XRCC5: variants seen among roughly 807,000 people sequenced by gnomAD.
The protein encoded by XRCC5 is X-ray repair cross complementing 5.
In XRCC5, 12 loss-of-function variants were observed where a neutral mutation model predicts 95.7. That is an observed-to-expected ratio of 0.13 (90% CI 0.08 to 0.20). The LOEUF is 0.20. Among genes scored for constraint, XRCC5 ranks in the 10% least tolerant of loss-of-function variants. XRCC5 has a pLI of 1.00. For synonymous variants in XRCC5, 281 were observed against 290.3 expected (o/e 0.97, Z 0.33); for missense variants, 595 against 873.9 (o/e 0.68, Z 4.02).
intron 16 of XRCC5, among the ~76,000 whole-genome samples, chr2:216,189,477 G>A (rs1237922505): frequency 6.6e-6 from 1 of 152,120 alleles, no homozygotes; most frequent in African/African-American, 2.4e-5. Flanking sequence ...TATTCATACT[G>A]AAGAATTTTT....
chr2:216,127,763 T>A, intron 8 of XRCC5, 89 bp downstream of exon 8: 1 of 1,362,860 alleles, frequency 7.3e-7, no homozygotes, highest in Non-Finnish European at 9.9e-7. Flanking sequence ...ATTCTTTGTT[T>A]AAAGTTATTT....
At chr2:216,140,223 T>C (rs1334364995) in intron 12 of XRCC5, among the ~76,000 whole-genome samples, 2 of 152,256 alleles carry the variant, frequency 1.3e-5, no homozygotes, top group African/African-American at 4.8e-5. Flanking sequence ...CTGTATGCTC[T>C]TTTATTTTGT....
At chr2:216,110,974 T>C (rs988998683) in intron 1 of XRCC5, among the ~76,000 whole-genome samples, 2 of 152,218 alleles carry the variant, frequency 1.3e-5, no homozygotes, top group Non-Finnish European at 2.9e-5. Context: ...AATAATCTTT[T>C]CTTTTCATGT....
chr2:216,140,918 A>G (rs1263310063), intron 12 of XRCC5, among the ~76,000 whole-genome samples: 2 of 152,142 alleles, frequency 1.3e-5, no homozygotes, highest in African/African-American at 4.8e-5. Context: ...TCTGAAACAA[A>G]CTTTCTTGCT....
intron 14 of XRCC5, among the ~76,000 whole-genome samples, chr2:216,155,050 A>G (rs1688816568): frequency 6.6e-6 from 1 of 151,976 alleles, no homozygotes; most frequent in Admixed American, 6.6e-5. Flanking sequence ...ACATAGTGAG[A>G]CCTCATCTCT....
chr2:216,111,068 G>A (rs938693430), intron 1 of XRCC5, among the ~76,000 whole-genome samples: 4 of 152,094 alleles, frequency 2.6e-5, no homozygotes, highest in Admixed American at 6.5e-5. Context: ...CATTTCTAGG[G>A]TCAAGAGATC....
chr2:216,162,529 G>A (rs1296567759), intron 16 of XRCC5, among the ~76,000 whole-genome samples: 2 of 151,704 alleles, frequency 1.3e-5, no homozygotes, highest in Non-Finnish European at 2.9e-5. Flanking sequence ...AGCCTCCCGA[G>A]TAGCTGGGAT....
At chr2:216,159,535 C>G (rs901867360) in intron 14 of XRCC5, among the ~76,000 whole-genome samples, 4 of 152,050 alleles carry the variant, frequency 2.6e-5, no homozygotes, top group African/African-American at 9.7e-5. Context: ...AGAGGGAAAG[C>G]TCTTGCATAG....
At chr2:216,115,179 T>TA (rs1696669986) in intron 2 of XRCC5, among the ~76,000 whole-genome samples, 1 of 149,202 alleles carries the variant, frequency 6.7e-6, no homozygotes. Context: ...TTTCAATTGT[T>TA]TACTTCGAGA....
At position 216,160,121 on chromosome 2, in the gene XRCC5, A is replaced by G. The variant is rs1688923975; in HGVS notation, c.1724A>G (p.His575Arg). Residue 575 changes from histidine to arginine, a missense_variant, in exon 15 of 21, where the codon CAC (histidine) becomes CGC (arginine). By Grantham distance (29) the His-to-Arg change is conservative. Transcript: ENST00000392132. ...TTAAAGACTGAGCAAGGGGGAGCCC[A>G]CTTCAGCGTCTCCAGTCTGGCTGAA... The part of the protein sequence containing the change: ...KKLKTEQGGA[H>R]FSVSSLAEGS... The G allele has an allele frequency of 6.2e-7, 1 of 1,608,996 alleles. No individual in the cohort carries two copies. Among genetic ancestry groups the G allele is most frequent in the South Asian group, 1.1e-5 (1 of 90,516 alleles).
At chr2:216,174,383 AGTT>A (rs1689231138) in intron 16 of XRCC5, among the ~76,000 whole-genome samples, 1 of 152,234 alleles carries the variant, frequency 6.6e-6, no homozygotes, top group African/African-American at 2.4e-5. Context: ...GTTTCTTTAT[AGTT>A]AACTTTAGCA....
chr2:216,135,477 T>C (rs777658836), intron 10 of XRCC5, among the ~76,000 whole-genome samples: 3 of 151,722 alleles, frequency 2.0e-5, no homozygotes, highest in South Asian at 2.1e-4. Context: ...AGGGAAGAGA[T>C]GGATTTGAGA....
At chr2:216,178,244 G>A (rs562267690) in intron 16 of XRCC5, among the ~76,000 whole-genome samples, 2 of 152,200 alleles carry the variant, frequency 1.3e-5, no homozygotes, top group African/African-American at 4.8e-5. Context: ...TGCTTCTTAG[G>A]CTTCCATTAA....
At chr2:216,163,273 T>A (rs1410113271) in intron 16 of XRCC5, among the ~76,000 whole-genome samples, 1 of 152,080 alleles carries the variant, frequency 6.6e-6, no homozygotes, top group Non-Finnish European at 1.5e-5. Flanking sequence ...GCTCTGAGAT[T>A]ACATGTGTAA....
chr2:216,191,828 T>C (rs1308051134), intron 17 of XRCC5, among the ~76,000 whole-genome samples: 1 of 152,214 alleles, frequency 6.6e-6, no homozygotes, highest in Non-Finnish European at 1.5e-5. Flanking sequence ...GTGGTGTTAA[T>C]GGCATGTGAG....
intron 15 of XRCC5, 31 bp from the exon 16 acceptor site, chr2:216,161,948 T>C: frequency 6.3e-7 from 1 of 1,597,654 alleles, no homozygotes; most frequent in Non-Finnish European, 8.6e-7. Flanking sequence ...AGAAATAACC[T>C]GTAGGTTTAT....
At position 216,158,398 on chromosome 2, in the gene XRCC5, G is replaced by A. The variant is rs41301686; in HGVS notation, c.1671-1670G>A. Among the ~76,000 whole-genome samples, 669 of 152,282 alleles carry A rather than the reference G, an allele frequency of 4.4e-3. 3 individuals carry two copies. The highest frequency in any genetic ancestry group is 0.016 in the African/African-American group (645 of 41,554). ...TTCAGGGCTAGTCAGTGGCAAAATCGAGACTAGAATCCAGGTCTTTTGACT... is the reference window on the plus strand; with the variant it reads ...TTCAGGGCTAGTCAGTGGCAAAATCAAGACTAGAATCCAGGTCTTTTGACT... On this transcript the variant is annotated intron_variant, in intron 14 of 20. Transcript: ENST00000392132.
chr2:216,135,155 T>A (rs946336935), intron 10 of XRCC5, among the ~76,000 whole-genome samples: 1 of 152,188 alleles, frequency 6.6e-6, no homozygotes, highest in Non-Finnish European at 1.5e-5. Flanking sequence ...GTCATAGGTT[T>A]TTAACTTTGA....
intron 16 of XRCC5, among the ~76,000 whole-genome samples, chr2:216,170,013 T>C (rs1689127076): frequency 8.7e-6 from 1 of 115,430 alleles, no homozygotes; most frequent in African/African-American, 3.3e-5. Context: ...CACTCCAGCC[T>C]GGCGACAGAG....
Sources: gnomAD v4.1 joint callset for allele counts (sites outside exome capture counted in the v4.1 genomes callset) on GRCh38, gnomAD v4.1.1 for gene constraint, MANE v1.5 for transcripts, NCBI Gene and HGNC (gene_info 2026-07-23, HGNC 2026-07-21) for gene names.